SH3TC1: variants seen among roughly 807,000 people sequenced by gnomAD.
The protein encoded by SH3TC1 is SH3 domain and tetratricopeptide repeats 1.
SH3TC1 carries 135 observed loss-of-function variants against 117.3 expected under a neutral mutation model. The ratio of observed to expected loss-of-function variants is 1.15; its 90% CI spans 1.00 to 1.33. The LOEUF (loss-of-function observed/expected upper bound fraction) is 1.33, where lower values mean the gene tolerates loss of function less well. Ranked by LOEUF, SH3TC1 falls within the 40% of genes most tolerant of loss-of-function variation. The probability of loss-of-function intolerance (pLI) is 0.00; values close to 1 mark genes in which losing one functional copy is unlikely to be tolerated. For synonymous variants in SH3TC1, 898 were observed against 816.9 expected (o/e 1.10, Z -1.69); for missense variants, 2,092 against 1,794.3 (o/e 1.17, Z -3.00).
chr4:8,187,803 G>C (rs562243253), intron 1 of SH3TC1, among the ~76,000 whole-genome samples: 6 of 152,082 alleles, frequency 3.9e-5, no homozygotes, highest in African/African-American at 1.4e-4. Context: ...ACTTGTCTCC[G>C]CCTCCCAAAG....
chr4:8,228,267 G>T lies in SH3TC1; in HGVS notation c.2573G>T (p.Ser858Ile), dbSNP rs1720748019. 2 of 1,612,252 alleles carry T rather than the reference G, an allele frequency of 1.2e-6. No individual in the cohort carries two copies. The highest frequency in any genetic ancestry group is 4.5e-5 in the East Asian group (2 of 44,886). The change falls in exon 12 of 18, where the codon AGC becomes ATC. Residue 858 changes from serine (S) to isoleucine (I), a missense_variant. Coordinates refer to ENST00000245105, the MANE Select transcript of SH3TC1 (RefSeq NM_018986.5). ...TCTGTCCGGGATGCAGTGGTGGCCAGCGAGGACCAGGAGGGCGTGATTGCC... is the reference window on the plus strand; with the variant it reads ...TCTGTCCGGGATGCAGTGGTGGCCATCGAGGACCAGGAGGGCGTGATTGCC... ...LQSVRDAVVA[S>I]EDQEGVIANM...
rs146325907 is a variant in SH3TC1, at chr4:8,212,942, A to G, written c.375+114A>G. 6.9e-3 allele frequency: 9,570 copies of G among 1,391,224 alleles called. 46 individuals carry two copies. Among genetic ancestry groups the G allele is most frequent in the African/African-American group, 0.017 (1,205 of 68,986 alleles). The allele number at this position is 1,391,224 out of a possible 1,614,324, so 86.2% of individuals were successfully genotyped here. A position where few individuals can be genotyped will look rare whatever the true frequency, so the allele number is the denominator to read the frequency against. On this transcript the variant is annotated intron_variant, in intron 4 of 17. Transcript: ENST00000245105. Reference sequence around the variant, plus strand: ...CAGGAGGCAGGCCTCAGAGAGCGAGAGCCACTCAGGACAGTGGTGGCCTTG... The same window carrying G: ...CAGGAGGCAGGCCTCAGAGAGCGAGGGCCACTCAGGACAGTGGTGGCCTTG...
intron 15 of SH3TC1, 198 bp downstream of exon 15, chr4:8,235,753 C>T: frequency 1.5e-6 from 1 of 650,322 alleles, no homozygotes; most frequent in Non-Finnish European, 2.3e-6. Context: ...CTGGACACAG[C>T]AATGGCCTTA....
chr4:8,201,176 C>T (rs1717806799), intron 1 of SH3TC1, among the ~76,000 whole-genome samples: 1 of 152,186 alleles, frequency 6.6e-6, no homozygotes, highest in African/African-American at 2.4e-5. Flanking sequence ...CTTCCCAAAC[C>T]CATTCAGGGC....
chr4:8,228,221 G>T lies in SH3TC1; in HGVS notation c.2527G>T (p.Val843Leu), dbSNP rs756884193. The change falls in exon 12 of 18, where the codon GTG becomes TTG. Residue 843 changes from valine to leucine, a missense_variant. Val to Leu is a conservative substitution (Grantham distance 32, BLOSUM62 1). Transcript: ENST00000245105. ...WLHVLHGQSP[V>L]ALDILQSVRD... The stretch of plus-strand genomic sequence containing the variant: ...GCACGTGCTTCATGGGCAGAGCCCG[G>T]TGGCCCTGGACATCCTGCAGTCTGT... 1.2e-6 allele frequency: 2 copies of T among 1,609,100 alleles called. No individual in the cohort carries two copies. Among genetic ancestry groups the T allele is most frequent in the Non-Finnish European group, 1.7e-6 (2 of 1,177,292 alleles).
intron 1 of SH3TC1, among the ~76,000 whole-genome samples, chr4:8,193,850 C>T (rs1717484218): frequency 6.6e-6 from 1 of 152,232 alleles, no homozygotes. Context: ...GGTATGGGGG[C>T]AGGTCCGGAT....
At chr4:8,203,252 C>T (rs999108850) in intron 1 of SH3TC1, among the ~76,000 whole-genome samples, 1 of 151,090 alleles carries the variant, frequency 6.6e-6, no homozygotes, top group Non-Finnish European at 1.5e-5. Context: ...TGCACTTCTG[C>T]TTTGGTCTGA....
chr4:8,216,847 C>G (rs924416603), intron 6 of SH3TC1, 110 bp from the exon 7 acceptor site: 79 of 1,113,692 alleles, frequency 7.1e-5, no homozygotes, highest in Non-Finnish European at 9.6e-5. Context: ...ACTGGGGGGG[C>G]CGCTCCTGTG....
In SH3TC1 at chr4:8,209,733, C is replaced by G. The variant is rs371337550; in HGVS notation, c.173-15C>G. ...GCTTGGTCTCCCCTAATCCTGGGAA[C>G]CTGCTGTGTTGCAGACGAGGCTCCT... On this transcript the variant is annotated splice_polypyrimidine_tract_variant and intron_variant, in intron 2 of 17. Coordinates refer to ENST00000245105, the MANE Select transcript of SH3TC1 (RefSeq NM_018986.5). This position sits in a 1 kb window ranked among gnomAD's most constrained non-coding sequence, Gnocchi z 5.9. The G allele has an allele frequency of 1.7e-5, 28 of 1,613,644 alleles. No homozygotes were observed. The African/African-American group carries it at 3.6e-4, about 21-fold the overall frequency.
rs973898052 is a variant in SH3TC1, at chr4:8,225,739, G to A, written c.1285+523G>A. Among the ~76,000 whole-genome samples, 1 of 152,190 alleles carries A rather than the reference G, an allele frequency of 6.6e-6. No homozygotes were observed. The highest frequency in any genetic ancestry group is 1.5e-5 in the Non-Finnish European group (1 of 68,024). On this transcript the variant is annotated intron_variant, in intron 11 of 17. Transcript: ENST00000245105. This position sits in a 1 kb window ranked among gnomAD's most constrained non-coding sequence, Gnocchi z 5.5. ...CTCACACAGGGTCCGCATGGGGAGA[G>A]CCTGGGGATGTGGACACCCCAAGAG...
At position 8,236,357 on chromosome 4, in the gene SH3TC1, T is replaced by C; in HGVS notation, c.3485T>C (p.Leu1162Pro). ...LRLCNKLVAL[L>P]ATLEEPQEGL... ...CTGTGCAACAAGCTGGTGGCACTGC[T>C]GGCCACGCTGGAGGAGCCCCAGGAG... Residue 1162 changes from leucine (L) to proline (P), a missense_variant, in exon 16 of 18, where the codon CTG (leucine) becomes CCG (proline). Leu to Pro is a moderately conservative substitution (Grantham distance 98, BLOSUM62 -3). Coordinates refer to ENST00000245105, the MANE Select transcript of SH3TC1 (RefSeq NM_018986.5). 3 of 1,548,596 alleles carry C rather than the reference T, an allele frequency of 1.9e-6. No individual in the cohort carries two copies. In the South Asian group the frequency reaches 3.6e-5, roughly 18 times the overall value.
upstream of SH3TC1, among the ~76,000 whole-genome samples, chr4:8,198,106 C>T (rs1678263): frequency 0.29 from 43,346 of 151,986 alleles, 7,515 homozygotes; most frequent in South Asian, 0.42. Context: ...GGACAGCCCC[C>T]CGCCCTGCAA....
intron 1 of SH3TC1, among the ~76,000 whole-genome samples, chr4:8,202,263 C>T (rs1717889351): frequency 6.6e-6 from 1 of 152,216 alleles, no homozygotes; most frequent in Non-Finnish European, 1.5e-5. Flanking sequence ...TCCTGCACTG[C>T]CCCTGAAGGT....
At chr4:8,202,839 C>A (rs1445971177) in intron 1 of SH3TC1, among the ~76,000 whole-genome samples, 1 of 152,214 alleles carries the variant, frequency 6.6e-6, no homozygotes. Flanking sequence ...AAATTCCCAA[C>A]TTAGCAGGCC....
At chr4:8,233,636 TTCCA>T (rs1441729462) in intron 14 of SH3TC1, 123 bp downstream of exon 14, 9 of 1,200,734 alleles carry the variant, frequency 7.5e-6, no homozygotes, top group Admixed American at 3.3e-5. Flanking sequence ...TCATCCTTCC[TTCCA>T]TCCATCCATC....
At chr4:8,238,567 C>T (rs947556507) in intron 17 of SH3TC1, among the ~76,000 whole-genome samples, 4 of 152,112 alleles carry the variant, frequency 2.6e-5, no homozygotes, top group South Asian at 4.1e-4. Flanking sequence ...CCTAAGACCC[C>T]GCCCCGTATC....
intron 17 of SH3TC1, among the ~76,000 whole-genome samples, chr4:8,238,476 T>C (rs894479426): frequency 6.6e-6 from 1 of 152,172 alleles, no homozygotes; most frequent in Non-Finnish European, 1.5e-5. Flanking sequence ...CGGTGCTCGT[T>C]GTGGGCTGGG....
chr4:8,224,382 G>C (rs1720267694), intron 10 of SH3TC1, among the ~76,000 whole-genome samples: 1 of 152,224 alleles, frequency 6.6e-6, no homozygotes, highest in Non-Finnish European at 1.5e-5. Context: ...CCCCTGGATG[G>C]TATCTCCTGT....
At chr4:8,212,974 C>T (rs1023071125) in intron 4 of SH3TC1, 146 bp downstream of exon 4, 9 of 1,109,720 alleles carry the variant, frequency 8.1e-6, no homozygotes, top group East Asian at 5.6e-5. Flanking sequence ...CTTGGAGGGG[C>T]GGCTGTGATA....
Sources: gnomAD v4.1 joint callset for allele counts (sites outside exome capture counted in the v4.1 genomes callset) on GRCh38, gnomAD v4.1.1 for gene constraint, Gnocchi (gnomAD v3.1) non-coding constraint, MANE v1.5 for transcripts, NCBI Gene and HGNC (gene_info 2026-07-23, HGNC 2026-07-21) for gene names.